Variants in G3BP1 observed in about 807,000 individuals in gnomAD.
G3BP1 encodes ras GTPase-activating protein-binding protein 1.
A neutral mutation model predicts 58.6 loss-of-function variants in G3BP1; 35 were observed. The ratio of observed to expected loss-of-function variants is 0.60; its 90% CI spans 0.46 to 0.79. The LOEUF (loss-of-function observed/expected upper bound fraction) is 0.79, where lower values mean the gene tolerates loss of function less well. Among genes scored for constraint, G3BP1 ranks in the 30% least tolerant of loss-of-function variants. The pLI is 0.00. For synonymous variants in G3BP1, 191 were observed against 195.4 expected (o/e 0.98, Z 0.19); for missense variants, 523 against 580.8 (o/e 0.90, Z 1.02).
At chr5:151,795,307 C>A (rs1355410006) in intron 5 of G3BP1, among the ~76,000 whole-genome samples, 172 bp from the exon 6 acceptor site, 2 of 152,094 alleles carry the variant, frequency 1.3e-5, no homozygotes, top group Non-Finnish European at 2.9e-5. Flanking sequence ...AAAGTCTGTT[C>A]TTCAAAGCCT....
chr5:151,788,157 G>A (rs1002153596), intron 2 of G3BP1, among the ~76,000 whole-genome samples: 3 of 151,716 alleles, frequency 2.0e-5, no homozygotes, highest in African/African-American at 4.8e-5. Flanking sequence ...CAAGCAATTC[G>A]CCTGCTTCAG....
Position 151,795,566 on chromosome 5 carries a change from C to T in G3BP1, c.530C>T (p.Ala177Val), listed in dbSNP as rs780689085. 4 of 1,577,514 alleles carry T rather than the reference C, an allele frequency of 2.5e-6. No individual in the cohort carries two copies. Among genetic ancestry groups the T allele is most frequent in the South Asian group, 1.1e-5 (1 of 90,134 alleles). The change falls in exon 6 of 12, where the codon GCA becomes GTA. Residue 177 changes from alanine to valine, a missense_variant. Around this residue, in one of 2 missense-constraint regions of G3BP1, gnomAD observed 398 missense variants for 399.1 expected, o/e 1.00. Coordinates refer to ENST00000356245, the MANE Select transcript of G3BP1 (RefSeq NM_005754.3). ...PDDSGTFYDQAVVSNDMEEHL... is the reference protein window; with the variant it reads ...PDDSGTFYDQVVVSNDMEEHL... Reference sequence around the variant, plus strand: ...GATTCTGGAACTTTCTATGATCAGGCAGTTGTCAGGTAAGAAGATTTTGTT... The same window carrying T: ...GATTCTGGAACTTTCTATGATCAGGTAGTTGTCAGGTAAGAAGATTTTGTT...
intron 1 of G3BP1, among the ~76,000 whole-genome samples, chr5:151,777,871 ATCAC>A (rs974002074): frequency 7.9e-4 from 119 of 150,544 alleles, no homozygotes; most frequent in African/African-American, 2.7e-3. Flanking sequence ...TGATCTTTTT[ATCAC>A]TGTAGATTAC....
chr5:151,785,191 A>T (rs943427754), intron 1 of G3BP1, among the ~76,000 whole-genome samples: 1 of 152,184 alleles, frequency 6.6e-6, no homozygotes, highest in African/African-American at 2.4e-5. Flanking sequence ...TAGGATCTAG[A>T]TTGTTACTGA....
intron 2 of G3BP1, 47 bp from the exon 3 acceptor site, chr5:151,790,276 C>T: frequency 1.1e-6 from 1 of 895,642 alleles, no homozygotes; most frequent in Non-Finnish European, 1.7e-6. Context: ...GAAAAATAAA[C>T]TTAAGATACT....
At chr5:151,796,645 A>G (rs560964228) in intron 6 of G3BP1, among the ~76,000 whole-genome samples, 6 of 152,204 alleles carry the variant, frequency 3.9e-5, no homozygotes, top group East Asian at 3.9e-4. Flanking sequence ...TTCTCCCCCA[A>G]ATTCCTTATG....
rs1286313886 is a variant in G3BP1, at chr5:151,804,343, A to G, written c.*252A>G. ...TAACGGACTTTTAAAGAAGCAAAAAAAAAGACTGAATTTCCTTGCTTACTT... is the reference window on the plus strand; with the variant it reads ...TAACGGACTTTTAAAGAAGCAAAAAGAAAGACTGAATTTCCTTGCTTACTT... On this transcript the variant is annotated 3_prime_UTR_variant, in exon 12 of 12. Coordinates refer to ENST00000356245, the MANE Select transcript of G3BP1 (RefSeq NM_005754.3). 6 of 364,076 alleles carry G rather than the reference A, an allele frequency of 1.6e-5. No individual in the cohort carries two copies. Among genetic ancestry groups the G allele is most frequent in the Non-Finnish European group, 2.9e-5 (6 of 204,682 alleles). 22.6% of individuals were successfully genotyped at this position (364,076 alleles called of 1,614,324 possible).
At position 151,811,264 on chromosome 5, in the gene G3BP1, T is replaced by C. The variant is rs1763014987; in HGVS notation, c.*7173T>C. 6.6e-6 allele frequency: 1 copy of C among 152,244 alleles called. No homozygotes were observed. The highest frequency in any genetic ancestry group is 2.4e-5 in the African/African-American group (1 of 41,456). The allele number at this position is 152,244 out of a possible 1,614,324, so 9.4% of individuals were successfully genotyped here. On this transcript the variant is annotated 3_prime_UTR_variant, in exon 12 of 12. Coordinates refer to ENST00000356245, the MANE Select transcript of G3BP1 (RefSeq NM_005754.3). ...CATGTATGTGTTCTCTCTCCCCTAT[T>C]AGACTGTAAGCTCCTTATGGGCAGG...
At chr5:151,794,865 A>G (rs1762723689) in intron 5 of G3BP1, among the ~76,000 whole-genome samples, 1 of 152,242 alleles carries the variant, frequency 6.6e-6, no homozygotes, top group Admixed American at 6.5e-5. Flanking sequence ...GTAAAGTGGT[A>G]GAGCCTGCAT....
rs1036296509 is a variant in G3BP1 at position 151,811,690 on chromosome 5, G to C, written c.*7599G>C. ...CTTTTGTGACTTCATGCAAAAAAAG[G>C]GGGGAAGAGTAAGGGGCAAAAGGGA... On this transcript the variant is annotated 3_prime_UTR_variant, in exon 12 of 12. Transcript: ENST00000356245. 1 of 152,034 alleles carries C rather than the reference G, an allele frequency of 6.6e-6. No individual in the cohort carries two copies. Among genetic ancestry groups the C allele is most frequent in the Non-Finnish European group, 1.5e-5 (1 of 68,014 alleles). The allele number at this position is 152,034 out of a possible 1,614,324, so 9.4% of individuals were successfully genotyped here.
At position 151,779,125 on chromosome 5, in the gene G3BP1, G is replaced by A. The variant is rs565622622; in HGVS notation, c.-50+7089G>A. ...TACTCCTAATCTGTGGCTTGCCTGC[G>A]TGCCTTTTCATTCTTTTGATGGTGT... On this transcript the variant is annotated intron_variant, in intron 1 of 11. Coordinates refer to ENST00000356245, the MANE Select transcript of G3BP1 (RefSeq NM_005754.3). 5.3e-5 allele frequency among the ~76,000 whole-genome samples: 8 copies of A among 151,868 alleles called. No individual in the cohort carries two copies. The East Asian group carries it at 1.2e-3, about 22-fold the overall frequency.
intron 1 of G3BP1, among the ~76,000 whole-genome samples, chr5:151,781,126 A>G (rs934189452): frequency 6.6e-6 from 1 of 152,232 alleles, no homozygotes; most frequent in African/African-American, 2.4e-5. Flanking sequence ...ATGAATGCAT[A>G]AAATATATGT....
intron 11 of G3BP1, 146 bp from the exon 12 acceptor site, chr5:151,803,739 C>T (rs1172147169): frequency 1.8e-6 from 1 of 556,824 alleles, no homozygotes; most frequent in Non-Finnish European, 3.2e-6. Flanking sequence ...CGTAATCCAC[C>T]CGTCTCGGCC....
chr5:151,789,768 C>G (rs1235986210), intron 2 of G3BP1, among the ~76,000 whole-genome samples: 1 of 152,194 alleles, frequency 6.6e-6, no homozygotes, highest in East Asian at 1.9e-4. Flanking sequence ...TCCTTCCCAA[C>G]AGTATCATCC....
At chr5:151,788,640 G>A (rs1478853533) in intron 2 of G3BP1, among the ~76,000 whole-genome samples, 2 of 146,886 alleles carry the variant, frequency 1.4e-5, no homozygotes, top group African/African-American at 2.5e-5. Context: ...TTTTTAGTAG[G>A]TGGAGTCTCG....
intron 9 of G3BP1, 58 bp from the exon 10 acceptor site, chr5:151,800,160 T>C (rs1229255764): frequency 1.3e-6 from 2 of 1,534,702 alleles, no homozygotes; most frequent in Non-Finnish European, 1.8e-6. Context: ...ATGTGAGCAG[T>C]CATTGAAAGA....
intron 1 of G3BP1, among the ~76,000 whole-genome samples, chr5:151,785,629 A>T (rs1046158176): frequency 6.6e-6 from 1 of 152,140 alleles, no homozygotes; most frequent in Non-Finnish European, 1.5e-5. Context: ...CAATAATTGG[A>T]CTTCTTATGG....
chr5:151,803,406 C>T (rs1053122679), intron 11 of G3BP1, among the ~76,000 whole-genome samples: 2 of 152,136 alleles, frequency 1.3e-5, no homozygotes, highest in Non-Finnish European at 2.9e-5. Flanking sequence ...AAGTTGCACT[C>T]CAGTCTGGGT....
intron 4 of G3BP1, 52 bp downstream of exon 4, chr5:151,791,114 CAAT>C (rs1304280876): frequency 1.5e-5 from 21 of 1,410,312 alleles, no homozygotes; most frequent in Non-Finnish European, 2.0e-5. Flanking sequence ...AAAAAAGAAA[CAAT>C]GAACTGTTGT....
Sources: gnomAD v4.1 joint callset for allele counts (sites outside exome capture counted in the v4.1 genomes callset) on GRCh38, gnomAD v4.1.1 for gene constraint, gnomAD v4.1.1 regional missense constraint, MANE v1.5 for transcripts, NCBI Gene and HGNC (gene_info 2026-07-23, HGNC 2026-07-21) for gene names.